Variants in LCOR observed in about 807,000 individuals in gnomAD.
LCOR encodes the protein ligand dependent nuclear receptor corepressor, also known as ligand-dependent corepressor.
Under a neutral mutation model 64.4 loss-of-function variants are expected in LCOR, and 14 were observed. The ratio of observed to expected loss-of-function variants is 0.22; its 90% confidence interval spans 0.14 to 0.34. LCOR has a LOEUF of 0.34. LCOR is among the 10% of genes least tolerant of loss of function. The probability of loss-of-function intolerance (pLI) is 1.00; values close to 1 mark genes in which losing one functional copy is unlikely to be tolerated. For synonymous variants in LCOR, 643 were observed against 642.5 expected, an observed-to-expected ratio of 1.00 and a Z score of -0.01; for missense variants, 1,686 against 1,765.3, an observed-to-expected ratio of 0.96 and a Z score of 0.80.
At chr10:96,962,358 G>A (rs936931545) in intron 7 of LCOR, 1 of 152,118 alleles carries the variant, frequency 6.6e-6, no homozygotes, top group Non-Finnish European at 1.5e-5. Context: ...GGAATGAGCA[G>A]TATTTAGAAT....
chr10:96,923,681 T>C (rs1004917163), intron 4 of LCOR, among the ~76,000 whole-genome samples: 1 of 152,228 alleles, frequency 6.6e-6, no homozygotes, highest in Non-Finnish European at 1.5e-5. Flanking sequence ...TTTATTGCCT[T>C]AAGGACTAGA....
At chr10:96,958,154 C>A in intron 7 of LCOR, 1 of 1,252,260 alleles carries the variant, frequency 8.0e-7, no homozygotes, top group Non-Finnish European at 1.0e-6. Flanking sequence ...TTCAGTAGCC[C>A]AGGATTGCTA....
intron 2 of LCOR, among the ~76,000 whole-genome samples, chr10:96,899,270 A>C (rs530454585): frequency 6.6e-6 from 1 of 152,268 alleles, no homozygotes; most frequent in African/African-American, 2.4e-5. Flanking sequence ...AAGTATCTGC[A>C]TAGTAGTGGG....
chr10:96,866,656 C>T (rs1163786310), intron 2 of LCOR, among the ~76,000 whole-genome samples: 1 of 152,200 alleles, frequency 6.6e-6, no homozygotes, highest in Admixed American at 6.6e-5. Flanking sequence ...TTTCGGCTCA[C>T]TGCAACCTCC....
chr10:96,893,327 C>T (rs1019047635), intron 2 of LCOR, among the ~76,000 whole-genome samples: 1 of 152,180 alleles, frequency 6.6e-6, no homozygotes, highest in East Asian at 1.9e-4. Context: ...AAAACATAAC[C>T]TCTCTGCCTT....
Position 96,991,022 on chromosome 10 carries a change from T to TAAAAAAAAAAAAAA in LCOR, c.*5898_*5911dup. 2.6e-5 allele frequency: 2 copies of TAAAAAAAAAAAAAA among 77,258 alleles called. No homozygotes were observed. The highest frequency in any genetic ancestry group is 5.4e-5 in the Non-Finnish European group (2 of 37,118). 4.8% of individuals were successfully genotyped at this position (77,258 alleles called of 1,614,324 possible). On this transcript the variant is annotated 3_prime_UTR_variant, in exon 8 of 8. Transcript: ENST00000421806. ...TTTTACCCTTTTTTAAAGGGTTATGTAAAAAAAAAAAAAAAAAAAAAAAGC... is the reference window on the plus strand; with the variant it reads ...TTTTACCCTTTTTTAAAGGGTTATGTAAAAAAAAAAAAAAAAAAAAAAAAAAAAAAAAAAAAAGC...
At position 96,984,925 on chromosome 10, in the gene LCOR, G is replaced by A. The variant is rs1166862850; in HGVS notation, c.4465G>A (p.Glu1489Lys). The A allele has an allele frequency of 6.2e-7, 1 of 1,613,906 alleles. No homozygotes were observed. The highest frequency in any genetic ancestry group is 1.3e-5 in the African/African-American group (1 of 74,886). Reference protein sequence around the residue: ...NKRPSQSIASETLTKPAKQKG... With the variant: ...NKRPSQSIASKTLTKPAKQKG... ...AAGGCCTTCCCAGTCTATTGCCTCGGAAACACTGACGAAACCTGCAAAACA... is the reference window on the plus strand; with the variant it reads ...AAGGCCTTCCCAGTCTATTGCCTCGAAAACACTGACGAAACCTGCAAAACA... Residue 1489 changes from glutamate (E) to lysine (K), a missense_variant, in exon 8 of 8, where the codon GAA (glutamate) becomes AAA (lysine). Physicochemically the swap from Glu to Lys is moderately conservative, Grantham distance 56 (BLOSUM62 1). Transcript: ENST00000421806.
At chr10:96,859,794 A>T (rs1255049214) in intron 2 of LCOR, among the ~76,000 whole-genome samples, 1 of 152,154 alleles carries the variant, frequency 6.6e-6, no homozygotes. Flanking sequence ...CCTGAACTCA[A>T]GCAGTCCACT....
rs1408691484 is a variant in LCOR at position 96,991,248 on chromosome 10, C to A, written c.*6114C>A. 1.3e-5 allele frequency: 2 copies of A among 152,072 alleles called. No individual in the cohort carries two copies. Among genetic ancestry groups the A allele is most frequent in the Non-Finnish European group, 2.9e-5 (2 of 68,022 alleles). 9.4% of individuals were successfully genotyped at this position (152,072 alleles called of 1,614,324 possible). A position where few individuals can be genotyped will look rare whatever the true frequency, so the allele number is the denominator to read the frequency against. Reference sequence around the variant, plus strand: ...AGTGTCTTGCCTGTTCATCTCAGTACACAGCTGCTGTTACAGATTATTCCT... The same window carrying A: ...AGTGTCTTGCCTGTTCATCTCAGTAAACAGCTGCTGTTACAGATTATTCCT... On this transcript the variant is annotated 3_prime_UTR_variant, in exon 8 of 8. Coordinates refer to ENST00000421806, the MANE Select transcript of LCOR (RefSeq NM_001346516.2).
intron 2 of LCOR, among the ~76,000 whole-genome samples, chr10:96,893,624 A>T (rs1846484181): frequency 6.6e-6 from 1 of 152,064 alleles, no homozygotes; most frequent in African/African-American, 2.4e-5. Flanking sequence ...CTAACTGGGC[A>T]TGGTGGTGGG....
At chr10:96,942,419 A>AGAGGGAGACCGTG (rs1274269514) in intron 4 of LCOR, among the ~76,000 whole-genome samples, 2 of 152,050 alleles carry the variant, frequency 1.3e-5, no homozygotes, top group Admixed American at 1.3e-4. Context: ...GCTCGGCATC[A>AGAGGGAGACCGTG]GAGGGAGACC....
At chr10:96,894,875 A>G (rs1371129694) in intron 2 of LCOR, among the ~76,000 whole-genome samples, 1 of 152,236 alleles carries the variant, frequency 6.6e-6, no homozygotes, top group African/African-American at 2.4e-5. Context: ...AGTGCCATAT[A>G]TAATAGTTCA....
chr10:96,872,876 G>A (rs1313334726), intron 2 of LCOR, among the ~76,000 whole-genome samples: 1 of 152,134 alleles, frequency 6.6e-6, no homozygotes, highest in African/African-American at 2.4e-5. Context: ...CATTTCAGAT[G>A]AGACTTGTAT....
At chr10:96,881,588 C>G (rs1191219742) in intron 2 of LCOR, among the ~76,000 whole-genome samples, 2 of 151,990 alleles carry the variant, frequency 1.3e-5, no homozygotes, top group African/African-American at 4.8e-5. Context: ...TCCCAAGTAA[C>G]TGGGATTACA....
At chr10:96,930,481 T>TTTA (rs1847238640) in intron 4 of LCOR, among the ~76,000 whole-genome samples, 1 of 152,224 alleles carries the variant, frequency 6.6e-6, no homozygotes, top group African/African-American at 2.4e-5. Flanking sequence ...AATTGCCACG[T>TTTA]CAGTAGTGGT....
chr10:96,844,704 T>A (rs1845597584), intron 2 of LCOR, among the ~76,000 whole-genome samples: 1 of 152,208 alleles, frequency 6.6e-6, no homozygotes, highest in South Asian at 2.1e-4. Context: ...TGGCCATTCT[T>A]CACCATTAAC....
rs35941499 is a variant in LCOR at position 96,989,699 on chromosome 10, T to G, written c.*4565T>G. The G allele has an allele frequency of 2.6e-5, 2 of 77,670 alleles. No homozygotes were observed. The highest frequency in any genetic ancestry group is 8.6e-5 in the African/African-American group (1 of 11,574). The allele number at this position is 77,670 out of a possible 1,614,324, so 4.8% of individuals were successfully genotyped here. A position where few individuals can be genotyped will look rare whatever the true frequency, so the allele number is the denominator to read the frequency against. On this transcript the variant is annotated 3_prime_UTR_variant, in exon 8 of 8. Transcript: ENST00000421806. The stretch of plus-strand genomic sequence containing the variant: ...GATATATATATATATATATATATTT[T>G]TTTTTTTTTTTTTTTTTTTTAATAG...
At chr10:96,846,516 A>G (rs1195824600) in intron 2 of LCOR, among the ~76,000 whole-genome samples, 1 of 151,974 alleles carries the variant, frequency 6.6e-6, no homozygotes, top group African/African-American at 2.4e-5. Context: ...CCTTCCCAAA[A>G]TGCTGTGATT....
At chr10:96,881,799 G>A (rs1846267483) in intron 2 of LCOR, among the ~76,000 whole-genome samples, 1 of 152,050 alleles carries the variant, frequency 6.6e-6, no homozygotes, top group African/African-American at 2.4e-5. Context: ...CAATATTTGT[G>A]GTACCATGAT....
Sources: gnomAD v4.1 joint callset for allele counts (sites outside exome capture counted in the v4.1 genomes callset) on GRCh38, gnomAD v4.1.1 for gene constraint, MANE v1.5 for transcripts, NCBI Gene and HGNC (gene_info 2026-07-23, HGNC 2026-07-21) for gene names.